The following KLF8 variants were observed in gnomAD, a reference collection of about 807,000 sequenced individuals.
KLF8 encodes KLF transcription factor 8.
KLF8 carries 10 observed loss-of-function variants against 18.2 expected under a neutral mutation model. The ratio of observed to expected loss-of-function variants is 0.55; its 90% CI spans 0.34 to 0.93. KLF8 has a LOEUF of 0.93. Ranked by LOEUF, KLF8 falls within the 40% of genes least tolerant of loss-of-function variation. The pLI is 0.02. For synonymous variants in KLF8, 109 were observed against 97.3 expected (o/e 1.12, Z -0.71); for missense variants, 264 against 277.9 (o/e 0.95, Z 0.36).
rs1245045288 is a variant in KLF8 at position 56,286,852 on chromosome X, T to TAAC, written c.*2358_*2359insAAC. 8.9e-6 allele frequency: 1 copy of TAAC among 112,151 alleles called. No individual in the cohort carries two copies. Among genetic ancestry groups the TAAC allele is most frequent in the Non-Finnish European group, 1.9e-5 (1 of 53,245 alleles). 9.2% of individuals were successfully genotyped at this position (112,151 alleles called of 1,213,427 possible). A position where few individuals can be genotyped will look rare whatever the true frequency, so the allele number is the denominator to read the frequency against. On this transcript the variant is annotated 3_prime_UTR_variant, in exon 6 of 6. Coordinates refer to ENST00000468660, the MANE Select transcript of KLF8 (RefSeq NM_007250.5). Reference sequence around the variant, plus strand: ...CACTAGGCGATATCTAGGGCCAGTCTGTTAAAGGGGACCTCTAATGTAGCT... The same window carrying TAAC: ...CACTAGGCGATATCTAGGGCCAGTCTAACGTTAAAGGGGACCTCTAATGTAGCT...
the KLF8 span, among the ~76,000 whole-genome samples, chrX:56,054,158 GTC>G: frequency 9.1e-6 from 1 of 110,297 alleles, no homozygotes; most frequent in Admixed American, 9.8e-5. Flanking sequence ...TTGACACGGA[GTC>G]TCTCTCTGTC....
At chrX:56,269,330 G>A (rs1470158819) in intron 3 of KLF8, 48 bp from the exon 4 acceptor site, 25 of 1,133,418 alleles carry the variant, frequency 2.2e-5, no homozygotes, top group Non-Finnish European at 2.7e-5. Flanking sequence ...AATGATTAAA[G>A]AGGCACATAC....
chrX:56,069,268 C>T, the KLF8 span, among the ~76,000 whole-genome samples: 1 of 112,064 alleles, frequency 8.9e-6, no homozygotes, highest in South Asian at 3.7e-4. Context: ...CATGACCCCA[C>T]TGATCTAATC....
Position 56,265,454 on chromosome X carries a change from C to A in KLF8, c.356C>A (p.Thr119Asn), listed in dbSNP as rs1180735183. Residue 119 changes from threonine (T) to asparagine (N), a missense_variant, in exon 3 of 6, where the codon ACC becomes AAC. Physicochemically the swap from Thr to Asn is moderately conservative, Grantham distance 65 (BLOSUM62 0). Around this residue, in one of 2 missense-constraint regions of KLF8, gnomAD observed 221 missense variants for 193.6 expected, o/e 1.14. Transcript: ENST00000468660. ...RPPKPQSSPQ[T>N]LVVSTSTSDM... is the part of the protein sequence containing the mutation. Reference sequence around the variant, plus strand: ...CCCAAGCCACAGTCTTCTCCCCAGACCCTTGTGGTGTCCACGTCAACATCT... The same window carrying A: ...CCCAAGCCACAGTCTTCTCCCCAGAACCTTGTGGTGTCCACGTCAACATCT... 2 of 1,211,937 alleles carry A rather than the reference C, an allele frequency of 1.7e-6. No individual in the cohort carries two copies. Among genetic ancestry groups the A allele is most frequent in the Non-Finnish European group, 2.2e-6 (2 of 895,486 alleles).
At chrX:56,041,667 TTTG>T in the KLF8 span, among the ~76,000 whole-genome samples, 1,920 of 96,421 alleles carry the variant, frequency 0.02, 19 homozygotes, top group African/African-American at 0.038. Context: ...TCTCTCTAGT[TTTG>T]TTGTTGTTGT....
the KLF8 span, among the ~76,000 whole-genome samples, chrX:55,999,308 G>GT: frequency 3.6e-5 from 1 of 27,828 alleles, no homozygotes; most frequent in Non-Finnish European, 7.4e-5. Context: ...GCTTCGTTTT[G>GT]TTTTGACTAT....
the KLF8 span, among the ~76,000 whole-genome samples, chrX:56,122,887 C>G: frequency 8.7e-4 from 97 of 111,075 alleles, no homozygotes; most frequent in African/African-American, 2.7e-3. Context: ...CCATGCCCAG[C>G]CTTAACTTGG....
At chrX:55,917,658 G>A in the KLF8 span, among the ~76,000 whole-genome samples, 5 of 111,220 alleles carry the variant, frequency 4.5e-5, no homozygotes, top group African/African-American at 1.6e-4. Flanking sequence ...TCTTCTGCTA[G>A]CAGGAAACAG....
At chrX:56,257,792 C>T (rs1055948950) in intron 2 of KLF8, among the ~76,000 whole-genome samples, 1 of 112,405 alleles carries the variant, frequency 8.9e-6, no homozygotes, top group African/African-American at 3.2e-5. Flanking sequence ...CATGTCTTTG[C>T]TATTGTGAAT....
At chrX:56,214,421 C>T in the KLF8 span, among the ~76,000 whole-genome samples, 1 of 112,095 alleles carries the variant, frequency 8.9e-6, no homozygotes, top group Non-Finnish European at 1.9e-5. Flanking sequence ...ATTTGTGTCA[C>T]ACCCCTGCCT....
At chrX:56,228,425 G>C (rs1374919997), upstream of KLF8, among the ~76,000 whole-genome samples, 1 of 111,911 alleles carries the variant, frequency 8.9e-6, no homozygotes, top group Non-Finnish European at 1.9e-5. Context: ...GGAAAGGGGC[G>C]TAAAGCTTAA....
the KLF8 span, among the ~76,000 whole-genome samples, chrX:56,175,997 A>G: frequency 9.0e-6 from 1 of 111,629 alleles, no homozygotes; most frequent in Non-Finnish European, 1.9e-5. Context: ...GTGTCTCTGC[A>G]TGTGAGATGT....
chrX:56,104,182 G>A, the KLF8 span, among the ~76,000 whole-genome samples: 1 of 110,916 alleles, frequency 9.0e-6, no homozygotes, highest in Non-Finnish European at 1.9e-5. Context: ...TCTTTTTTTT[G>A]TTGTGTTTCT....
Position 56,269,460 on chromosome X carries a change from C to T in KLF8, c.729C>T (p.Ala243=). ...EESTIESGSS[A]LQSLQGLQQE... ...GTACAATTGAGAGTGGATCCTCAGC[C>T]TTGCAGAGTCTGCAGGGACTACAGC... The change falls in exon 4 of 6, where the codon GCC becomes GCT. Residue 243 remains alanine, a synonymous_variant. Coordinates refer to ENST00000468660, the MANE Select transcript of KLF8 (RefSeq NM_007250.5). 2 of 1,206,186 alleles carry T rather than the reference C, an allele frequency of 1.7e-6. No homozygotes were observed. Among genetic ancestry groups the T allele is most frequent in the Non-Finnish European group, 1.1e-6 (1 of 892,931 alleles).
chrX:56,240,147 T>A (rs2207296), intron 1 of KLF8, among the ~76,000 whole-genome samples: 1,926 of 112,353 alleles, frequency 0.017, 40 homozygotes, highest in African/African-American at 0.06. Flanking sequence ...AACATACTTA[T>A]TCCTTAATTT....
the KLF8 span, among the ~76,000 whole-genome samples, chrX:56,015,835 G>A: frequency 8.9e-6 from 1 of 111,766 alleles, no homozygotes; most frequent in African/African-American, 3.3e-5. Context: ...TTGCGGGAAA[G>A]GGAAAAAATT....
At chrX:55,960,653 G>GAGAAGA in the KLF8 span, among the ~76,000 whole-genome samples, 2 of 110,312 alleles carry the variant, frequency 1.8e-5, no homozygotes, top group Admixed American at 9.6e-5. Context: ...GAAGGAGAAG[G>GAGAAGA]AGAAGAAGAA....
the KLF8 span, among the ~76,000 whole-genome samples, chrX:56,049,726 C>T: frequency 2.7e-5 from 3 of 109,130 alleles, no homozygotes; most frequent in Non-Finnish European, 5.7e-5. Context: ...GTCTAAAATT[C>T]TCTTTTTTTG....
chrX:56,128,356 A>C, the KLF8 span, among the ~76,000 whole-genome samples: 1 of 111,771 alleles, frequency 8.9e-6, no homozygotes, highest in Non-Finnish European at 1.9e-5. Context: ...ACTTTAGGTA[A>C]GGAACAGAAC....
Sources: allele counts gnomAD v4.1 joint callset (sites outside exome capture counted in the v4.1 genomes callset), GRCh38; gene constraint gnomAD v4.1.1; regional missense constraint gnomAD v4.1.1; transcripts MANE v1.5; gene names NCBI Gene and HGNC (gene_info 2026-07-23, HGNC 2026-07-21).